ATRNL1: variants seen among roughly 807,000 people sequenced by gnomAD.
ATRNL1 encodes attractin-like protein 1.
A neutral mutation model predicts 182.7 loss-of-function variants in ATRNL1; 95 were observed. The ratio of observed to expected loss-of-function variants is 0.52; its 90% CI spans 0.44 to 0.62. The LOEUF is 0.62. Among genes scored for constraint, ATRNL1 ranks in the 20% least tolerant of loss-of-function variants. The pLI, the probability that ATRNL1 is intolerant of heterozygous loss-of-function variation, is 0.00. For synonymous variants in ATRNL1, 576 were observed against 568.3 expected (o/e 1.01, Z -0.19); for missense variants, 1,471 against 1,679.5 (o/e 0.88, Z 2.17).
At chr10:115,604,392 T>C (rs1458039584) in intron 26 of ATRNL1, among the ~76,000 whole-genome samples, 1 of 152,168 alleles carries the variant, frequency 6.6e-6, no homozygotes, top group African/African-American at 2.4e-5. Context: ...GTACTCTGAA[T>C]GATCAGCAAA....
At chr10:115,601,582 G>C (rs1485093368) in intron 26 of ATRNL1, among the ~76,000 whole-genome samples, 1 of 152,074 alleles carries the variant, frequency 6.6e-6, no homozygotes, top group Non-Finnish European at 1.5e-5. Context: ...TTTAGGATTG[G>C]TATGACTTGT....
intron 26 of ATRNL1, among the ~76,000 whole-genome samples, chr10:115,570,620 C>A (rs1369433304): frequency 2.6e-5 from 4 of 152,138 alleles, no homozygotes; most frequent in African/African-American, 9.7e-5. Context: ...GATTTTCATG[C>A]CCATCTGTAC....
At chr10:115,642,671 C>G (rs1352868013) in intron 26 of ATRNL1, among the ~76,000 whole-genome samples, 1 of 152,174 alleles carries the variant, frequency 6.6e-6, no homozygotes, top group African/African-American at 2.4e-5. Flanking sequence ...TCTCGAACTC[C>G]TGACCTCAGG....
intron 26 of ATRNL1, among the ~76,000 whole-genome samples, chr10:115,603,871 G>A (rs912616082): frequency 2.0e-5 from 3 of 152,072 alleles, no homozygotes; most frequent in African/African-American, 7.2e-5. Context: ...ACTTAATATG[G>A]AAAATGTTTT....
chr10:115,412,378 A>G (rs1159665123), intron 20 of ATRNL1, among the ~76,000 whole-genome samples: 2 of 152,154 alleles, frequency 1.3e-5, no homozygotes, highest in African/African-American at 4.8e-5. Context: ...ATTACAGTGG[A>G]CCCTAGGTGC....
At chr10:115,256,994 A>G (rs922921660) in intron 10 of ATRNL1, among the ~76,000 whole-genome samples, 1 of 152,246 alleles carries the variant, frequency 6.6e-6, no homozygotes, top group Admixed American at 6.5e-5. Flanking sequence ...GTTCTGAGAG[A>G]CAGTTTTTTT....
At chr10:115,275,536 A>G (rs970282106) in intron 13 of ATRNL1, among the ~76,000 whole-genome samples, 7 of 152,202 alleles carry the variant, frequency 4.6e-5, no homozygotes, top group Non-Finnish European at 1.0e-4. Context: ...GCTGTTCATC[A>G]TAGTAACCTC....
At chr10:115,769,204 A>G (rs1555075736) in intron 27 of ATRNL1, among the ~76,000 whole-genome samples, 9 of 152,164 alleles carry the variant, frequency 5.9e-5, no homozygotes, top group Non-Finnish European at 1.0e-4. Context: ...TATGGAGGCT[A>G]TCTTCTCCTG....
At chr10:115,821,245 T>C (rs1950288654) in intron 27 of ATRNL1, among the ~76,000 whole-genome samples, 1 of 152,178 alleles carries the variant, frequency 6.6e-6, no homozygotes. Flanking sequence ...AAAGATTAAA[T>C]ATATGTTATT....
chr10:115,876,564 C>T (rs1359423800), intron 28 of ATRNL1, among the ~76,000 whole-genome samples: 1 of 152,106 alleles, frequency 6.6e-6, no homozygotes, highest in Non-Finnish European at 1.5e-5. Flanking sequence ...TTTTGAGGCT[C>T]TCTGAAGTGA....
chr10:115,867,253 AT>A lies in ATRNL1; in HGVS notation c.4018+19268del, dbSNP rs568514021. Among the ~76,000 whole-genome samples, 374 of 152,250 alleles carry A rather than the reference AT, an allele frequency of 2.5e-3. 3 individuals are homozygous for A. Among genetic ancestry groups the A allele is most frequent in the Middle Eastern group, 6.8e-3 (2 of 294 alleles). On this transcript the variant is annotated intron_variant, in intron 28 of 28. Coordinates refer to ENST00000355044, the MANE Select transcript of ATRNL1 (RefSeq NM_207303.4). ...TTAACTGTTTTATACAATTAAATTCATTTTTTGGATTTCTTTTTTTAGAGCA... is the reference window on the plus strand; with the variant it reads ...TTAACTGTTTTATACAATTAAATTCATTTTTGGATTTCTTTTTTTAGAGCA...
chr10:115,527,950 TTCTTTCCTTCCCTCCC>T (rs1554987079), intron 25 of ATRNL1, among the ~76,000 whole-genome samples: 54 of 105,814 alleles, frequency 5.1e-4, no homozygotes, highest in African/African-American at 1.8e-3. Flanking sequence ...CCTTCCTTCC[TTCTTTCCTTCCCTCCC>T]TCCCTCCTTC....
intron 19 of ATRNL1, among the ~76,000 whole-genome samples, chr10:115,360,652 CTT>C (rs869209213): frequency 6.8e-6 from 1 of 147,182 alleles, no homozygotes; most frequent in African/African-American, 2.5e-5. Context: ...CCTTCTTAGT[CTT>C]TTTTTTTTAA....
At chr10:115,289,767 G>T (rs1320313609) in intron 15 of ATRNL1, among the ~76,000 whole-genome samples, 3 of 152,144 alleles carry the variant, frequency 2.0e-5, no homozygotes, top group African/African-American at 7.2e-5. Context: ...CCAGTACCAT[G>T]CTGTTTTGTT....
At chr10:115,713,283 C>A (rs559064115) in intron 26 of ATRNL1, among the ~76,000 whole-genome samples, 1 of 152,100 alleles carries the variant, frequency 6.6e-6, no homozygotes, top group African/African-American at 2.4e-5. Flanking sequence ...TATTGAACAT[C>A]TTCTATCTAC....
chr10:115,738,312 A>G (rs2532706), intron 27 of ATRNL1, among the ~76,000 whole-genome samples: 143,354 of 150,798 alleles, frequency 0.95, 68,553 homozygotes, highest in East Asian at 1. Flanking sequence ...GCTAATTTTT[A>G]TATGTTTAGT....
chr10:115,405,290 T>G (rs1288756928), intron 20 of ATRNL1, among the ~76,000 whole-genome samples: 2 of 152,150 alleles, frequency 1.3e-5, no homozygotes, highest in Non-Finnish European at 2.9e-5. Flanking sequence ...TGTGTAGGTG[T>G]TTTATCAAAA....
intron 28 of ATRNL1, among the ~76,000 whole-genome samples, chr10:115,937,258 AT>A (rs1953588111): frequency 6.6e-6 from 1 of 152,222 alleles, no homozygotes; most frequent in Admixed American, 6.5e-5. Flanking sequence ...ATATTATGAT[AT>A]GTTAAAGGCC....
intron 9 of ATRNL1, among the ~76,000 whole-genome samples, chr10:115,226,701 A>G (rs1185632155): frequency 2.0e-5 from 3 of 152,172 alleles, no homozygotes; most frequent in Admixed American, 1.3e-4. Flanking sequence ...ACAGTAACCA[A>G]AACAGCATGA....
Sources: allele counts gnomAD v4.1 joint callset (sites outside exome capture counted in the v4.1 genomes callset), GRCh38; gene constraint gnomAD v4.1.1; transcripts MANE v1.5; gene names NCBI Gene and HGNC (gene_info 2026-07-23, HGNC 2026-07-21).